Variants in PDE4D observed in about 807,000 individuals in gnomAD.
PDE4D encodes 3',5'-cyclic-AMP phosphodiesterase 4D.
Under a neutral mutation model 87.4 loss-of-function variants are expected in PDE4D, and 24 were observed. That is an observed-to-expected ratio of 0.27 (90% CI 0.20 to 0.39). The LOEUF (loss-of-function observed/expected upper bound fraction) is 0.39, where lower values mean the gene tolerates loss of function less well. Among genes scored for constraint, PDE4D ranks in the 10% least tolerant of loss-of-function variants. The pLI, the probability that PDE4D is intolerant of heterozygous loss-of-function variation, is 1.00. For synonymous variants in PDE4D, 384 were observed against 383.2 expected (o/e 1.00, Z -0.02); for missense variants, 714 against 1,041.0 (o/e 0.69, Z 4.32).
chr5:60,254,589 AC>A (rs1421527322), intron 1 of PDE4D, among the ~76,000 whole-genome samples: 5 of 151,886 alleles, frequency 3.3e-5, no homozygotes, highest in Non-Finnish European at 7.4e-5. Flanking sequence ...TGTAGCCATA[AC>A]TTGATTGAGT....
intron 1 of PDE4D, among the ~76,000 whole-genome samples, chr5:59,741,214 T>C (rs1561573322): frequency 6.6e-6 from 1 of 152,176 alleles, no homozygotes; most frequent in African/African-American, 2.4e-5. Flanking sequence ...ATGTGTGACC[T>C]TGGACACTTT....
At chr5:59,343,728 T>G (rs1779154542) in intron 1 of PDE4D, among the ~76,000 whole-genome samples, 1 of 152,164 alleles carries the variant, frequency 6.6e-6, no homozygotes, top group African/African-American at 2.4e-5. Context: ...TCATTTACAA[T>G]TTTCTCATAC....
intron 1 of PDE4D, among the ~76,000 whole-genome samples, chr5:59,337,330 C>G (rs971517773): frequency 4.9e-5 from 7 of 141,722 alleles, no homozygotes; most frequent in South Asian, 2.4e-4. Flanking sequence ...AGTTCCCCCC[C>G]CCCCACCTTT....
At chr5:59,589,343 T>G (rs1292887815) in intron 1 of PDE4D, among the ~76,000 whole-genome samples, 1 of 152,230 alleles carries the variant, frequency 6.6e-6, no homozygotes, top group Non-Finnish European at 1.5e-5. Context: ...ACATTTATTA[T>G]GCCCATTTTG....
intron 2 of PDE4D, among the ~76,000 whole-genome samples, chr5:60,077,143 T>G (rs1162026014): frequency 6.6e-6 from 1 of 152,204 alleles, no homozygotes; most frequent in African/African-American, 2.4e-5. Flanking sequence ...AGCAGAATGC[T>G]GGCAAAGGCA....
At chr5:59,676,796 T>C (rs1413135519) in intron 1 of PDE4D, among the ~76,000 whole-genome samples, 1 of 151,918 alleles carries the variant, frequency 6.6e-6, no homozygotes, top group Non-Finnish European at 1.5e-5. Context: ...CAATATCCTC[T>C]AAGTATTTGA....
chr5:59,368,335 G>A (rs901090737), intron 1 of PDE4D, among the ~76,000 whole-genome samples: 1 of 152,094 alleles, frequency 6.6e-6, no homozygotes, highest in Non-Finnish European at 1.5e-5. Flanking sequence ...ATTGAAAATT[G>A]GGGACTACAT....
chr5:60,485,680 A>G (rs1170679005), intron 1 of PDE4D, among the ~76,000 whole-genome samples: 1 of 147,950 alleles, frequency 6.8e-6, no homozygotes, highest in Non-Finnish European at 1.5e-5. Context: ...AGGAGTGGAT[A>G]GAAGAAAGAT....
At chr5:59,505,236 G>C (rs1809038322) in intron 1 of PDE4D, among the ~76,000 whole-genome samples, 1 of 152,162 alleles carries the variant, frequency 6.6e-6, no homozygotes, top group African/African-American at 2.4e-5. Flanking sequence ...GTACAGAACT[G>C]ATGTTATTAT....
chr5:60,285,199 GATATA>G (rs1434843346), intron 1 of PDE4D, among the ~76,000 whole-genome samples: 1 of 151,924 alleles, frequency 6.6e-6, no homozygotes, highest in Non-Finnish European at 1.5e-5. Flanking sequence ...ATAATTATAT[GATATA>G]ATATAATAGC....
Position 59,011,229 on chromosome 5 carries a change from GCTC to G in PDE4D, c.922-17767_922-17765del, listed in dbSNP as rs768315849. On this transcript the variant is annotated intron_variant, in intron 6 of 14. Transcript: ENST00000340635. The stretch of plus-strand genomic sequence containing the variant: ...AAAGCTGAAAGTTCTAAAAATCAGA[GCTC>G]CTCTTCTCCTCCAAAGGAATGCAGC... 4.6e-5 allele frequency among the ~76,000 whole-genome samples: 7 copies of G among 152,148 alleles called. 1 individual carries two copies. Among genetic ancestry groups the G allele is most frequent in the Admixed American group, 1.3e-4 (2 of 15,272 alleles).
At chr5:59,954,461 A>G (rs745465965) in intron 3 of PDE4D, among the ~76,000 whole-genome samples, 2 of 152,210 alleles carry the variant, frequency 1.3e-5, no homozygotes, top group Non-Finnish European at 2.9e-5. Flanking sequence ...ATTCAGCATG[A>G]AAGAGTGTGT....
chr5:60,260,455 G>A (rs1190380321), intron 1 of PDE4D, among the ~76,000 whole-genome samples: 1 of 151,988 alleles, frequency 6.6e-6, no homozygotes, highest in Non-Finnish European at 1.5e-5. Context: ...CACAGAGCAG[G>A]GGAATACTAG....
chr5:60,169,586 A>C (rs1252298314), intron 2 of PDE4D, among the ~76,000 whole-genome samples: 1 of 152,122 alleles, frequency 6.6e-6, no homozygotes, highest in Non-Finnish European at 1.5e-5. Flanking sequence ...AATAAAGGCA[A>C]GAGATGAAGA....
intron 1 of PDE4D, among the ~76,000 whole-genome samples, chr5:60,283,210 G>C (rs906280274): frequency 1.3e-5 from 2 of 152,064 alleles, no homozygotes; most frequent in African/African-American, 4.8e-5. Flanking sequence ...CACAGAGAGT[G>C]CTTCCTAATG....
Position 60,317,742 on chromosome 5 carries a change from T to G in PDE4D, c.-89-132055A>C, listed in dbSNP as rs1238643262. On this transcript the variant is annotated intron_variant, in intron 1 of 16. Transcript: ENST00000502484. ...CTTTATTTCTGCCTTCATTTCATTA[T>G]GTACCCATTAGTCATTCAGGAGCAG... Among the ~76,000 whole-genome samples, 4 of 152,238 alleles carry G rather than the reference T, an allele frequency of 2.6e-5. No individual in the cohort carries two copies. The South Asian group carries it at 6.2e-4, about 24-fold the overall frequency.
chr5:59,305,868 T>G (rs1771230332), intron 1 of PDE4D, among the ~76,000 whole-genome samples: 1 of 152,084 alleles, frequency 6.6e-6, no homozygotes, highest in Non-Finnish European at 1.5e-5. Flanking sequence ...ATAGAATGTA[T>G]ATTTTGCAGT....
chr5:59,614,669 G>A (rs1040770431), intron 1 of PDE4D, among the ~76,000 whole-genome samples: 3 of 152,038 alleles, frequency 2.0e-5, no homozygotes, highest in Non-Finnish European at 2.9e-5. Flanking sequence ...ATAGAATATC[G>A]CACAACACCA....
intron 1 of PDE4D, among the ~76,000 whole-genome samples, chr5:59,429,049 C>A (rs1795728236): frequency 2.0e-5 from 3 of 152,046 alleles, no homozygotes; most frequent in Admixed American, 2.0e-4. Context: ...TATGCATATA[C>A]ACAATATACA....
Sources: allele counts gnomAD v4.1 joint callset (sites outside exome capture counted in the v4.1 genomes callset), GRCh38; gene constraint gnomAD v4.1.1; transcripts MANE v1.5; gene names NCBI Gene and HGNC (gene_info 2026-07-23, HGNC 2026-07-21).